The following NFASC variants were observed in gnomAD, a reference collection of about 807,000 sequenced individuals.
NFASC encodes the protein neurofascin.
A neutral mutation model predicts 147.5 loss-of-function variants in NFASC; 43 were observed. The ratio of observed to expected loss-of-function variants is 0.29; its 90% CI spans 0.23 to 0.38. The LOEUF is 0.38. Ranked by LOEUF, NFASC falls within the 10% of genes least tolerant of loss-of-function variation. The pLI is 1.00. For synonymous variants in NFASC, 622 were observed against 665.5 expected (o/e 0.93, Z 1.01); for missense variants, 1,320 against 1,689.0 (o/e 0.78, Z 3.83).
At position 204,968,458 on chromosome 1, in the gene NFASC, A is replaced by G; in HGVS notation, c.818+98A>G. 1.2e-6 allele frequency: 1 copy of G among 852,202 alleles called. No homozygotes were observed. Among genetic ancestry groups the G allele is most frequent in the South Asian group, 1.5e-5 (1 of 66,436 alleles). 52.8% of individuals were successfully genotyped at this position (852,202 alleles called of 1,614,324 possible). ...GTTAATGCCACATTTAGTGCATACC[A>G]GTAGCACAGCAAAAAGAGAAGCAAA... On this transcript the variant is annotated intron_variant, in intron 9 of 29. Coordinates refer to ENST00000339876, the MANE Select transcript of NFASC (RefSeq NM_001005388.3). This position sits in a 1 kb window ranked among gnomAD's most constrained non-coding sequence, Gnocchi z 5.4.
At position 204,871,145 on chromosome 1, in the gene NFASC, C is replaced by T. The variant is rs762105228; in HGVS notation, c.-200+42363C>T. On this transcript the variant is annotated intron_variant, in intron 1 of 29. Transcript: ENST00000339876. ...TTCCTCCTGCTTTGGCCTTCAAAGACTCTGAAGCGGTGTGTGCTAGGATTG... is the reference window on the plus strand; with the variant it reads ...TTCCTCCTGCTTTGGCCTTCAAAGATTCTGAAGCGGTGTGTGCTAGGATTG... 410 of 1,243,386 alleles carry T rather than the reference C, an allele frequency of 3.3e-4. 1 individual carries two copies. The highest frequency in any genetic ancestry group is 1.0e-3 in the South Asian group (82 of 79,802). The allele number at this position is 1,243,386 out of a possible 1,614,324, so 77.0% of individuals were successfully genotyped here. A position where few individuals can be genotyped will look rare whatever the true frequency, so the allele number is the denominator to read the frequency against.
chr1:204,944,348 T>C lies in NFASC; in HGVS notation c.33T>C (p.His11=), dbSNP rs750101194. Residue 11 remains histidine (H), a synonymous_variant, in exon 3 of 30, where the codon CAT becomes CAC. Transcript: ENST00000339876. The part of the protein sequence containing the change: MARQPPPPWV[H]AAFLLCLLSL... ...GGCAGCCACCGCCGCCCTGGGTCCA[T>C]GCAGCCTTCCTCCTCTGCCTCCTCA... 2 of 1,613,810 alleles carry C rather than the reference T, an allele frequency of 1.2e-6. No individual in the cohort carries two copies. Among genetic ancestry groups the C allele is most frequent in the East Asian group, 2.2e-5 (1 of 44,868 alleles).
At chr1:204,905,226 A>G (rs1400059449) in intron 1 of NFASC, among the ~76,000 whole-genome samples, 5 of 152,326 alleles carry the variant, frequency 3.3e-5, no homozygotes, top group Admixed American at 1.3e-4. Flanking sequence ...CAGGGACTGC[A>G]GGTATGCACT....
intron 3 of NFASC, among the ~76,000 whole-genome samples, chr1:204,947,366 C>T (rs2093816288): frequency 6.6e-6 from 1 of 152,216 alleles, no homozygotes; most frequent in South Asian, 2.1e-4. Flanking sequence ...CCATCCAGCC[C>T]TGGGCTGAAG....
At chr1:204,842,579 C>T (rs937954838) in intron 1 of NFASC, among the ~76,000 whole-genome samples, 1 of 152,212 alleles carries the variant, frequency 6.6e-6, no homozygotes, top group African/African-American at 2.4e-5. Context: ...AAACAAATCC[C>T]CTGTCACCCA....
rs2096362901 is a variant in NFASC, at chr1:205,016,432, G to A, written c.3616G>A (p.Gly1206Ser). The A allele has an allele frequency of 6.2e-7, 1 of 1,614,038 alleles. No individual in the cohort carries two copies. Among genetic ancestry groups the A allele is most frequent in the Non-Finnish European group, 8.5e-7 (1 of 1,179,994 alleles). ...TGGCGAGGGTCAGTTCAATGAAGACGGCTCCTTCATCGGCCAGTACACGGT... is the reference window on the plus strand; with the variant it reads ...TGGCGAGGGTCAGTTCAATGAAGACAGCTCCTTCATCGGCCAGTACACGGT... ...EGGEGQFNED[G>S]SFIGQYTVKK... Residue 1206 changes from glycine to serine, a missense_variant, in exon 30 of 30, where the codon GGC becomes AGC. By Grantham distance (56) the Gly-to-Ser change is moderately conservative. This residue lies in a region of NFASC where 167 missense variants were observed against 233.8 expected (regional missense o/e 0.71). Coordinates refer to ENST00000339876, the MANE Select transcript of NFASC (RefSeq NM_001005388.3). This position sits in a 1 kb window ranked among gnomAD's most constrained non-coding sequence, Gnocchi z 5.1.
At chr1:204,990,886 C>T (rs1168795527) in intron 23 of NFASC, among the ~76,000 whole-genome samples, 1 of 152,216 alleles carries the variant, frequency 6.6e-6, no homozygotes, top group Non-Finnish European at 1.5e-5. Context: ...CATCATGGAG[C>T]GTCACCCAGC....
rs1240950795 is a variant in NFASC at position 204,979,197 on chromosome 1, G to A, written c.1978+128G>A. On this transcript the variant is annotated intron_variant, in intron 18 of 29. Coordinates refer to ENST00000339876, the MANE Select transcript of NFASC (RefSeq NM_001005388.3). The surrounding 1 kb of genome is among the most constrained non-coding windows in gnomAD (Gnocchi z 6.0). ...GTGTGTCCTGGGCTAACCTCAGAAT[G>A]TACAGAGGCCTTGGTGTCTCTTCCT... 1 of 955,284 alleles carries A rather than the reference G, an allele frequency of 1.0e-6. No homozygotes were observed. Among genetic ancestry groups the A allele is most frequent in the African/African-American group, 1.6e-5 (1 of 61,224 alleles). The allele number at this position is 955,284 out of a possible 1,614,324, so 59.2% of individuals were successfully genotyped here.
intron 1 of NFASC, among the ~76,000 whole-genome samples, chr1:204,898,249 T>C (rs1216485091): frequency 6.6e-6 from 1 of 152,202 alleles, no homozygotes; most frequent in Non-Finnish European, 1.5e-5. Flanking sequence ...GCTGATAAAA[T>C]TTTGAATGCA....
chr1:204,861,078 CTTTTTTTTT>C (rs1162020795), intron 1 of NFASC, among the ~76,000 whole-genome samples: 17 of 68,946 alleles, frequency 2.5e-4, no homozygotes, highest in South Asian at 1.7e-3. Flanking sequence ...ACTTGCTTTC[CTTTTTTTTT>C]TTTTTTTTTT....
chr1:204,984,357 A>ATGTG (rs10657459), intron 21 of NFASC: 2,348 of 192,364 alleles, frequency 0.012, 54 homozygotes, highest in African/African-American at 0.048. Context: ...ATATATATAT[A>ATGTG]TGTGTGTGTG....
At chr1:204,870,317 G>A (rs533812378) in intron 1 of NFASC, among the ~76,000 whole-genome samples, 5 of 152,310 alleles carry the variant, frequency 3.3e-5, no homozygotes, top group East Asian at 3.9e-4. Flanking sequence ...CCAAAGTTGC[G>A]GAGAGCCATT....
intron 1 of NFASC, among the ~76,000 whole-genome samples, chr1:204,910,824 A>ATT (rs11420522): frequency 6.0e-5 from 9 of 151,060 alleles, no homozygotes; most frequent in Admixed American, 2.0e-4. Flanking sequence ...GTTCCAAGAG[A>ATT]TTTTTTTTTA....
intron 15 of NFASC, 40 bp from the exon 16 acceptor site, chr1:204,976,631 C>T (rs749005151): frequency 6.6e-7 from 1 of 1,522,638 alleles, no homozygotes; most frequent in Non-Finnish European, 9.1e-7. Flanking sequence ...TCAGCACTCC[C>T]CTACCCCCTC....
At chr1:204,881,689 C>T (rs1423276770) in intron 1 of NFASC, among the ~76,000 whole-genome samples, 1 of 152,188 alleles carries the variant, frequency 6.6e-6, no homozygotes, top group African/African-American at 2.4e-5. Context: ...GAAGGAAAAA[C>T]CCATCAGTCC....
intron 2 of NFASC, among the ~76,000 whole-genome samples, chr1:204,938,969 A>G (rs1439948583): frequency 6.6e-6 from 1 of 151,794 alleles, no homozygotes; most frequent in Non-Finnish European, 1.5e-5. Flanking sequence ...TTTTTATGAA[A>G]CAGTACTTAA....
chr1:204,844,394 A>G (rs527325162), intron 1 of NFASC, among the ~76,000 whole-genome samples: 1 of 152,290 alleles, frequency 6.6e-6, no homozygotes, highest in African/African-American at 2.4e-5. Context: ...GCCTTATTCA[A>G]GTACACCTGA....
Position 204,987,833 on chromosome 1 carries a change from C to T in NFASC, c.2593+293C>T, listed in dbSNP as rs1035883719. Among the ~76,000 whole-genome samples, 2 of 152,182 alleles carry T rather than the reference C, an allele frequency of 1.3e-5. No homozygotes were observed. The highest frequency in any genetic ancestry group is 2.4e-5 in the African/African-American group (1 of 41,442). On this transcript the variant is annotated intron_variant, in intron 22 of 29. Coordinates refer to ENST00000339876, the MANE Select transcript of NFASC (RefSeq NM_001005388.3). This position sits in a 1 kb window ranked among gnomAD's most constrained non-coding sequence, Gnocchi z 4.4. ...GCCTTTAGGGATCTTTTGTAGTCTCCAACACGTACAGAGTCTAGGAGAGAG... is the reference window on the plus strand; with the variant it reads ...GCCTTTAGGGATCTTTTGTAGTCTCTAACACGTACAGAGTCTAGGAGAGAG...
Position 205,010,021 on chromosome 1 carries a change from TA to T in NFASC, c.3421+334del, listed in dbSNP as rs2096222427. ...GGCTTTTTTTCAGCCTGAATCTCAT[TA>T]GGATCCTGTGTCCCAGGGAAGGAGA... On this transcript the variant is annotated intron_variant, in intron 28 of 29. Transcript: ENST00000339876. This position sits in a 1 kb window ranked among gnomAD's most constrained non-coding sequence, Gnocchi z 4.1. 1 of 277,254 alleles carries T rather than the reference TA, an allele frequency of 3.6e-6. No individual in the cohort carries two copies. Among genetic ancestry groups the T allele is most frequent in the Admixed American group, 4.5e-5 (1 of 22,038 alleles). 17.2% of individuals were successfully genotyped at this position (277,254 alleles called of 1,614,324 possible).
Sources: gnomAD v4.1 joint callset for allele counts (sites outside exome capture counted in the v4.1 genomes callset) on GRCh38, gnomAD v4.1.1 for gene constraint, gnomAD v4.1.1 regional missense constraint, Gnocchi (gnomAD v3.1) non-coding constraint, MANE v1.5 for transcripts, NCBI Gene and HGNC (gene_info 2026-07-23, HGNC 2026-07-21) for gene names.